Variants in KIFC3 observed in about 807,000 individuals in gnomAD.
KIFC3 encodes kinesin family member C3, also known as kinesin-like protein KIFC3.
A neutral mutation model predicts 101.8 loss-of-function variants in KIFC3; 60 were observed. The ratio of observed to expected loss-of-function variants is 0.59; its 90% CI spans 0.48 to 0.73. The LOEUF is 0.73. KIFC3 is among the 30% of genes least tolerant of loss of function. The pLI, the probability that KIFC3 is intolerant of heterozygous loss-of-function variation, is 0.00. For synonymous variants in KIFC3, 476 were observed against 482.7 expected, an observed-to-expected ratio of 0.99 and a Z score of 0.18; for missense variants, 966 against 1,137.1, an observed-to-expected ratio of 0.85 and a Z score of 2.16.
upstream of KIFC3, among the ~76,000 whole-genome samples, chr16:57,808,176 GT>G (rs1196210780): frequency 5.3e-5 from 8 of 151,944 alleles, no homozygotes; most frequent in South Asian, 4.2e-4. Context: ...GCTTTGTGAG[GT>G]TTTTTTTCCC....
rs2054771081 is a variant in KIFC3 at position 57,802,175 on chromosome 16, T to G, written c.-40+195A>C. 6.6e-6 allele frequency among the ~76,000 whole-genome samples: 1 copy of G among 152,156 alleles called. No individual in the cohort carries two copies. The highest frequency in any genetic ancestry group is 1.5e-5 in the Non-Finnish European group (1 of 68,010). On this transcript the variant is annotated intron_variant, in intron 1 of 19. Coordinates refer to ENST00000445690, the MANE Select transcript of KIFC3 (RefSeq NM_001130100.2). This position sits in a 1 kb window ranked among gnomAD's most constrained non-coding sequence, Gnocchi z 5.0. ...CTGTGCCCAGCTCCCAGCAAGGTCC[T>G]CGACTCGGGCTGAACGGCGCTGGAG...
intron 1 of KIFC3, among the ~76,000 whole-genome samples, chr16:57,847,282 AGGGAGAGAGGGCGGGG>A (rs1462945871): frequency 4.8e-3 from 187 of 39,092 alleles, no homozygotes; most frequent in African/African-American, 0.018. Context: ...GAAGGGAGGG[AGGGAGAGAGGGCGGGG>A]AGGGAGGGAG....
At chr16:57,816,684 A>G (rs1555628907) in intron 1 of KIFC3, 1 of 456,596 alleles carries the variant, frequency 2.2e-6, no homozygotes, top group Admixed American at 2.3e-5. Context: ...CACAACCAGG[A>G]GTCTTGGAGG....
intron 11 of KIFC3, 23 bp from the exon 12 acceptor site, chr16:57,764,270 GCTGGT>G: frequency 8.2e-6 from 11 of 1,341,528 alleles, no homozygotes; most frequent in East Asian, 2.5e-5. Flanking sequence ...TGGGAGGGAG[GCTGGT>G]GGGGGGGCTT....
intron 3 of KIFC3, among the ~76,000 whole-genome samples, chr16:57,793,667 A>G (rs1555621330): frequency 6.6e-6 from 1 of 151,738 alleles, no homozygotes; most frequent in South Asian, 2.1e-4. Flanking sequence ...TATCTCTACT[A>G]AAAATATAAA....
intron 3 of KIFC3, among the ~76,000 whole-genome samples, chr16:57,777,257 A>C (rs1415614507): frequency 2.0e-5 from 3 of 152,246 alleles, no homozygotes; most frequent in African/African-American, 7.2e-5. Flanking sequence ...AATATTGATA[A>C]GGTGTCAGTA....
intron 3 of KIFC3, chr16:57,775,123 T>C: frequency 2.9e-6 from 4 of 1,393,446 alleles, no homozygotes; most frequent in Non-Finnish European, 3.7e-6. Context: ...TGTCCTTGCA[T>C]CACAATGGGA....
At chr16:57,767,245 C>T (rs888350010) in intron 9 of KIFC3, among the ~76,000 whole-genome samples, 1 of 152,232 alleles carries the variant, frequency 6.6e-6, no homozygotes, top group African/African-American at 2.4e-5. Context: ...CAGGACTCAG[C>T]CCTCCACACC....
intron 1 of KIFC3, among the ~76,000 whole-genome samples, chr16:57,850,542 C>T (rs2149326914): frequency 8.3e-6 from 1 of 120,134 alleles, no homozygotes; most frequent in East Asian, 2.9e-4. Context: ...GTGGCCCTAT[C>T]TCAGCTCACT....
At chr16:57,767,642 T>C (rs1555604125) in intron 9 of KIFC3, among the ~76,000 whole-genome samples, 1 of 152,134 alleles carries the variant, frequency 6.6e-6, no homozygotes, top group African/African-American at 2.4e-5. Context: ...CCCATATACT[T>C]TATTTTTTTT....
Position 57,768,948 on chromosome 16 carries a change from C to T in KIFC3, c.1218+647G>A, listed in dbSNP as rs2967168. 7.7e-3 allele frequency among the ~76,000 whole-genome samples: 1,174 copies of T among 152,304 alleles called. 9 individuals are homozygous for T. The highest frequency in any genetic ancestry group is 0.011 in the Non-Finnish European group (744 of 68,006). ...GCGGGAGGCCAAGGCAGGAGGACTG[C>T]TTGAAGCCAGGAGTTCAAGACCAGC... On this transcript the variant is annotated intron_variant, in intron 9 of 19. Coordinates refer to ENST00000445690, the MANE Select transcript of KIFC3 (RefSeq NM_001130100.2).
At chr16:57,826,186 C>G (rs1206297815) in intron 1 of KIFC3, among the ~76,000 whole-genome samples, 4 of 152,260 alleles carry the variant, frequency 2.6e-5, no homozygotes, top group Non-Finnish European at 4.4e-5. Flanking sequence ...CTTCCCCCAC[C>G]ATGGGAGTCC....
In KIFC3 at chr16:57,790,078, C is replaced by CTTTCTT. The variant is rs59016221; in HGVS notation, c.315+4920_315+4921insAAGAAA. Among the ~76,000 whole-genome samples, 337 of 94,084 alleles carry CTTTCTT rather than the reference C, an allele frequency of 3.6e-3. 4 individuals carry two copies. The highest frequency in any genetic ancestry group is 0.013 in the African/African-American group (312 of 23,640). 61.7% of individuals were successfully genotyped at this position (94,084 alleles called of 152,430 possible). A position where few individuals can be genotyped will look rare whatever the true frequency, so the allele number is the denominator to read the frequency against. ...TTTTTCTTTCTTTCTTTCTTTCTTT[C>CTTTCTT]TTTTTTTTTTTTTTTTTTAAAGACA... On this transcript the variant is annotated intron_variant, in intron 3 of 19. Transcript: ENST00000445690.
At position 57,761,026 on chromosome 16, in the gene KIFC3, T is replaced by C; in HGVS notation, c.2002+16A>G. ...GGTTGTGGGGATCCTCAGGCCAGGCTGCCTGCCACTCTCACCCGTGGTGCG... is the reference window on the plus strand; with the variant it reads ...GGTTGTGGGGATCCTCAGGCCAGGCCGCCTGCCACTCTCACCCGTGGTGCG... On this transcript the variant is annotated intron_variant, in intron 15 of 19. Coordinates refer to ENST00000445690, the MANE Select transcript of KIFC3 (RefSeq NM_001130100.2). The C allele has an allele frequency of 6.2e-7, 1 of 1,604,370 alleles. No homozygotes were observed. The highest frequency in any genetic ancestry group is 8.5e-7 in the Non-Finnish European group (1 of 1,175,106).
At chr16:57,822,149 C>T (rs992424172) in intron 1 of KIFC3, among the ~76,000 whole-genome samples, 1 of 152,140 alleles carries the variant, frequency 6.6e-6, no homozygotes, top group Non-Finnish European at 1.5e-5. Context: ...GATACAATGG[C>T]CATGTGGTTA....
At chr16:57,780,607 C>T (rs2052608915) in intron 3 of KIFC3, among the ~76,000 whole-genome samples, 1 of 147,498 alleles carries the variant, frequency 6.8e-6, no homozygotes, top group Non-Finnish European at 1.5e-5. Flanking sequence ...AAGGCAGCAG[C>T]CAAACAAGAC....
chr16:57,810,067 C>T (rs1172908096), intron 1 of KIFC3, among the ~76,000 whole-genome samples: 1 of 152,128 alleles, frequency 6.6e-6, no homozygotes, highest in Non-Finnish European at 1.5e-5. Context: ...CAGTACCCCG[C>T]GGTCCAACAC....
At chr16:57,764,272 T>TGGGGGGGG in intron 11 of KIFC3, 25 bp from the exon 12 acceptor site, 3 of 495,552 alleles carry the variant, frequency 6.1e-6, no homozygotes, top group Non-Finnish European at 1.2e-5. Flanking sequence ...GGAGGGAGGC[T>TGGGGGGGG]GGTGGGGGGG....
chr16:57,806,230 A>C (rs2054932427), upstream of KIFC3, among the ~76,000 whole-genome samples: 1 of 152,218 alleles, frequency 6.6e-6, no homozygotes, highest in Non-Finnish European at 1.5e-5. Flanking sequence ...TTCCCATTTT[A>C]AATGATTTAA....
Sources: gnomAD v4.1 joint callset for allele counts (sites outside exome capture counted in the v4.1 genomes callset) on GRCh38, gnomAD v4.1.1 for gene constraint, Gnocchi (gnomAD v3.1) non-coding constraint, MANE v1.5 for transcripts, NCBI Gene and HGNC (gene_info 2026-07-23, HGNC 2026-07-21) for gene names.